The following MTAP variants were observed in gnomAD, a reference collection of about 807,000 sequenced individuals.
MTAP encodes the protein methylthioadenosine phosphorylase.
In MTAP, 33 loss-of-function variants were observed where a neutral mutation model predicts 33.6. That is an observed-to-expected ratio of 0.98 (90% CI 0.74 to 1.31). MTAP has a LOEUF of 1.31. MTAP is among the 40% of genes most tolerant of loss of function. MTAP has a pLI of 0.00. For synonymous variants in MTAP, 148 were observed against 125.7 expected (o/e 1.18, Z -1.19); for missense variants, 367 against 360.0 (o/e 1.02, Z -0.16).
downstream of MTAP, chr9:21,941,108 A>G (rs1819130610): frequency 3.1e-6 from 2 of 640,502 alleles, no homozygotes; most frequent in East Asian, 1.4e-4. Context: ...TTTAAAATGT[A>G]CCAGTTATGC....
At chr9:21,843,960 T>A (rs1013480992) in intron 5 of MTAP, among the ~76,000 whole-genome samples, 1 of 151,752 alleles carries the variant, frequency 6.6e-6, no homozygotes, top group African/African-American at 2.4e-5. Flanking sequence ...CAAAAATATT[T>A]GAAAATTTAA....
Position 21,837,938 on chromosome 9 carries a change from T to TA in MTAP, c.378_379insA (p.Gly127ArgfsTer16). 7 of 1,614,168 alleles carry TA rather than the reference T, an allele frequency of 4.3e-6. No individual in the cohort carries two copies. The highest frequency in any genetic ancestry group is 5.9e-6 in the Non-Finnish European group (7 of 1,179,988). ...CTATGAGACCTCAGTCCTTCTATGATGGAAGTCATTCTTGTGCCAGAGGAG... is the reference window on the plus strand; with the variant it reads ...CTATGAGACCTCAGTCCTTCTATGATAGGAAGTCATTCTTGTGCCAGAGGAG... On this transcript the variant is annotated frameshift_variant, in exon 5 of 8. Transcript: ENST00000644715. LOFTEE classifies it high-confidence loss of function.
intron 1 of MTAP, among the ~76,000 whole-genome samples, chr9:21,923,696 A>C (rs1190175200): frequency 3.9e-5 from 6 of 152,098 alleles, no homozygotes; most frequent in African/African-American, 1.4e-4. Flanking sequence ...ACCCTCCTCA[A>C]TGTGCTTAAG....
intron 1 of MTAP, among the ~76,000 whole-genome samples, chr9:21,903,201 A>G (rs1448017805): frequency 1.3e-5 from 2 of 152,174 alleles, no homozygotes; most frequent in Non-Finnish European, 2.9e-5. Flanking sequence ...TACATGGACT[A>G]TACTATATTT....
rs796668793 is a variant in MTAP at position 21,936,400 on chromosome 9, G to C, written c.*5201G>C. ...TTGCATATCTCACATAGTTCAGACT[G>C]CTCTGGGCTACTTTTCTTTCTCAAT... On this transcript the variant is annotated 3_prime_UTR_variant, in exon 8 of 8. Transcript: ENST00000580900. The C allele has an allele frequency of 8.5e-4, 129 of 152,298 alleles. 1 individual carries two copies. The highest frequency in any genetic ancestry group is 3.1e-3 in the African/African-American group (127 of 41,568). The allele number at this position is 152,298 out of a possible 1,614,324, so 9.4% of individuals were successfully genotyped here. A position where few individuals can be genotyped will look rare whatever the true frequency, so the allele number is the denominator to read the frequency against.
At chr9:21,926,352 G>A (rs1818869222) in intron 1 of MTAP, among the ~76,000 whole-genome samples, 1 of 142,042 alleles carries the variant, frequency 7.0e-6, no homozygotes, top group South Asian at 2.1e-4. Flanking sequence ...AAAGAGCAAT[G>A]GAGCAATGGA....
At chr9:21,921,870 A>T (rs1818792730) in intron 1 of MTAP, among the ~76,000 whole-genome samples, 1 of 152,138 alleles carries the variant, frequency 6.6e-6, no homozygotes, top group South Asian at 2.1e-4. Context: ...AGTCCCAACT[A>T]CTCAGGAGGC....
intron 5 of MTAP, among the ~76,000 whole-genome samples, chr9:21,841,990 G>A (rs1314489113): frequency 6.6e-6 from 1 of 152,100 alleles, no homozygotes; most frequent in Non-Finnish European, 1.5e-5. Flanking sequence ...CAAGGAAATA[G>A]CAGAGAAAGG....
chr9:21,811,567 T>C (rs771739258), intron 1 of MTAP: 13 of 381,272 alleles, frequency 3.4e-5, no homozygotes, highest in Non-Finnish European at 6.2e-5. Context: ...AGATTGTGCG[T>C]GAATAAAGGG....
In MTAP at chr9:21,890,315, A is replaced by C. The variant is rs566911297; in HGVS notation, c.147+35445A>C. On this transcript the variant is annotated intron_variant, in intron 1 of 1. Coordinates refer to the MTAP transcript ENST00000577563. ...CCAGCCCCAAGTTTATATTCAGGCAACCAGCAATCACCGCTGAGATCTTGC... is the reference window on the plus strand; with the variant it reads ...CCAGCCCCAAGTTTATATTCAGGCACCCAGCAATCACCGCTGAGATCTTGC... Among the ~76,000 whole-genome samples the C allele has an allele frequency of 5.3e-5, 8 of 152,266 alleles. No individual in the cohort carries two copies. In the East Asian group the frequency reaches 1.4e-3, roughly 26 times the overall value.
intron 1 of MTAP, among the ~76,000 whole-genome samples, chr9:21,905,119 C>G (rs1173408352): frequency 6.6e-6 from 1 of 152,166 alleles, no homozygotes; most frequent in Non-Finnish European, 1.5e-5. Flanking sequence ...CAATTAGACC[C>G]TCCACCTTAT....
Position 21,818,109 on chromosome 9 carries a change from G to T in MTAP, c.254G>T (p.Gly85Val). ...AACATCTGGGCTTTGAAGGAAGAGG[G>T]CTGTACACATGTCATAGTGACCACA... ...QANIWALKEE[G>V]CTHVIVTTAC... The change falls in exon 4 of 8, where the codon GGC becomes GTC. Residue 85 changes from glycine (G) to valine (V), a missense_variant. Gly to Val is a moderately radical substitution (Grantham distance 109, BLOSUM62 -3). Transcript: ENST00000644715. The T allele has an allele frequency of 6.2e-7, 1 of 1,613,982 alleles. No individual in the cohort carries two copies. The highest frequency in any genetic ancestry group is 8.5e-7 in the Non-Finnish European group (1 of 1,179,990).
intron 1 of MTAP, chr9:21,808,961 C>G (rs1026103391): frequency 6.6e-6 from 1 of 152,092 alleles, no homozygotes; most frequent in Non-Finnish European, 1.5e-5. Context: ...GAAATCAATC[C>G]CAATCTCACC....
intron 1 of MTAP, among the ~76,000 whole-genome samples, chr9:21,879,619 G>C (rs1317626696): frequency 6.6e-6 from 1 of 151,974 alleles, no homozygotes; most frequent in African/African-American, 2.4e-5. Flanking sequence ...TACTATGCTG[G>C]CTTGTGTGAC....
chr9:21,903,132 C>T (rs1207374351), intron 1 of MTAP, among the ~76,000 whole-genome samples: 1 of 152,094 alleles, frequency 6.6e-6, no homozygotes, highest in Non-Finnish European at 1.5e-5. Context: ...CTTTCTGTAG[C>T]ATTGAATGGG....
intron 4 of MTAP, among the ~76,000 whole-genome samples, chr9:21,830,947 G>A (rs1824951445): frequency 6.7e-6 from 1 of 150,152 alleles, no homozygotes; most frequent in South Asian, 2.1e-4. Flanking sequence ...GCACAGGATT[G>A]GTTTTTAATG....
intron 5 of MTAP, among the ~76,000 whole-genome samples, chr9:21,843,745 AGTG>A (rs775907644): frequency 6.6e-6 from 1 of 152,200 alleles, no homozygotes; most frequent in Non-Finnish European, 1.5e-5. Flanking sequence ...ATACAGAAAA[AGTG>A]GTGCTAATGG....
At chr9:21,834,164 G>A (rs1048597770) in intron 4 of MTAP, among the ~76,000 whole-genome samples, 5 of 152,202 alleles carry the variant, frequency 3.3e-5, no homozygotes, top group Non-Finnish European at 7.3e-5. Context: ...AGTGACAAGT[G>A]CCAAGCACTT....
intron 5 of MTAP, among the ~76,000 whole-genome samples, chr9:21,844,933 G>A (rs746889036): frequency 1.3e-5 from 2 of 151,822 alleles, no homozygotes; most frequent in African/African-American, 2.4e-5. Context: ...TCGGGAGGCC[G>A]AGGCAGTGAA....
Sources: gnomAD v4.1 joint callset for allele counts (sites outside exome capture counted in the v4.1 genomes callset) on GRCh38, gnomAD v4.1.1 for gene constraint, MANE v1.5 for transcripts, NCBI Gene and HGNC (gene_info 2026-07-23, HGNC 2026-07-21) for gene names.